Variants in BMPR2 observed in about 807,000 individuals in gnomAD.
BMPR2 encodes the protein bone morphogenetic protein receptor type-2.
A neutral mutation model predicts 100.8 loss-of-function variants in BMPR2; 29 were observed. The observed-to-expected ratio is 0.29, with a 90% CI of 0.21 to 0.39. The LOEUF (loss-of-function observed/expected upper bound fraction) is 0.39. BMPR2 is among the 10% of genes least tolerant of loss of function. The pLI is 1.00. For synonymous variants in BMPR2, 382 were observed against 442.3 expected, an observed-to-expected ratio of 0.86 and a Z score of 1.71; for missense variants, 1,011 against 1,274.5, an observed-to-expected ratio of 0.79 and a Z score of 3.15.
At chr2:202,449,948 A>G (rs1011411325) in intron 1 of BMPR2, among the ~76,000 whole-genome samples, 1 of 152,024 alleles carries the variant, frequency 6.6e-6, no homozygotes, top group South Asian at 2.1e-4. Flanking sequence ...TCTACTAAAA[A>G]TACAAAAAAA....
intron 9 of BMPR2, among the ~76,000 whole-genome samples, chr2:202,539,916 G>A (rs958465753): frequency 3.9e-5 from 6 of 152,088 alleles, no homozygotes; most frequent in African/African-American, 1.4e-4. Context: ...GAGCAATCCA[G>A]CGATAGTAAG....
intron 12 of BMPR2, 25 bp downstream of exon 12, chr2:202,556,556 C>T (rs1040050301): frequency 2.9e-5 from 46 of 1,606,914 alleles, no homozygotes; most frequent in Non-Finnish European, 3.7e-5. Context: ...CATATAATCT[C>T]TCCTGTGTGT....
chr2:202,536,348 A>G (rs887832148), intron 9 of BMPR2, among the ~76,000 whole-genome samples: 1 of 152,006 alleles, frequency 6.6e-6, no homozygotes, highest in Non-Finnish European at 1.5e-5. Context: ...TCCTGGGCTC[A>G]AGTGATCCAC....
intron 7 of BMPR2, among the ~76,000 whole-genome samples, chr2:202,523,962 T>G (rs1687862811): frequency 6.6e-6 from 1 of 152,126 alleles, no homozygotes; most frequent in Admixed American, 6.5e-5. Flanking sequence ...ATTTTCTCAC[T>G]TTATAAGTGG....
chr2:202,416,268 T>C (rs1292846762), intron 1 of BMPR2, among the ~76,000 whole-genome samples: 2 of 148,000 alleles, frequency 1.4e-5, no homozygotes, highest in Non-Finnish European at 3.0e-5. Context: ...AAGAGTTGCT[T>C]TTTTTTTTTT....
At chr2:202,379,372 T>C (rs927153324) in intron 1 of BMPR2, among the ~76,000 whole-genome samples, 1 of 152,180 alleles carries the variant, frequency 6.6e-6, no homozygotes, top group East Asian at 1.9e-4. Flanking sequence ...ACACAGTCAG[T>C]AAATTATGGA....
intron 3 of BMPR2, among the ~76,000 whole-genome samples, chr2:202,489,061 G>T (rs1030061745): frequency 1.3e-5 from 2 of 151,048 alleles, no homozygotes; most frequent in African/African-American, 4.9e-5. Context: ...GAATGCAACG[G>T]CACAATCTCA....
At chr2:202,427,145 G>A (rs1000687653) in intron 1 of BMPR2, among the ~76,000 whole-genome samples, 1 of 152,102 alleles carries the variant, frequency 6.6e-6, no homozygotes, top group African/African-American at 2.4e-5. Flanking sequence ...GAGCCCTAGA[G>A]TTCGAGACAA....
intron 3 of BMPR2, among the ~76,000 whole-genome samples, chr2:202,491,710 A>C (rs956703492): frequency 1.3e-5 from 2 of 152,136 alleles, no homozygotes; most frequent in African/African-American, 4.8e-5. Context: ...GGCCAGGTGC[A>C]TCTTTTACTA....
intron 1 of BMPR2, among the ~76,000 whole-genome samples, chr2:202,384,569 T>TTTCTTTCTTTCTTTCTTTCTTTTCTTTC (rs138215628): frequency 1.1e-5 from 1 of 93,504 alleles, no homozygotes; most frequent in African/African-American, 5.4e-5. Flanking sequence ...TCTTTCTTTC[T>TTTCTTTCTTTCTTTCTTTCTTTTCTTTC]TTTTCTTTCT....
At chr2:202,531,930 ATTTTTTTTT>A (rs71035015) in intron 8 of BMPR2, among the ~76,000 whole-genome samples, 12 of 52,278 alleles carry the variant, frequency 2.3e-4, no homozygotes, top group South Asian at 9.7e-4. Context: ...GCCCAGCTGT[ATTTTTTTTT>A]TTTTTTTTTT....
chr2:202,446,052 G>A (rs895976100), intron 1 of BMPR2, among the ~76,000 whole-genome samples: 1 of 150,458 alleles, frequency 6.6e-6, no homozygotes, highest in Non-Finnish European at 1.5e-5. Flanking sequence ...AGGATTACAG[G>A]CATAAGTCAC....
intron 10 of BMPR2, among the ~76,000 whole-genome samples, chr2:202,551,330 CAT>C (rs1688473226): frequency 1.4e-5 from 2 of 145,862 alleles, no homozygotes; most frequent in African/African-American, 5.1e-5. Context: ...GCCTGGCTAA[CAT>C]AGTGAAACCC....
At chr2:202,533,716 G>A (rs1217886695) in intron 9 of BMPR2, among the ~76,000 whole-genome samples, 28 of 151,852 alleles carry the variant, frequency 1.8e-4, no homozygotes, top group Admixed American at 1.6e-3. Context: ...CCAGCTACTC[G>A]GGAGGCTGGG....
intron 9 of BMPR2, among the ~76,000 whole-genome samples, chr2:202,541,443 T>C (rs990978074): frequency 6.6e-6 from 1 of 152,178 alleles, no homozygotes; most frequent in African/African-American, 2.4e-5. Context: ...AAAAAATTTT[T>C]TTAAAGTATA....
At position 202,562,814 on chromosome 2, in the gene BMPR2, A is replaced by G. The variant is rs1688697073; in HGVS notation, c.*2868A>G. The G allele has an allele frequency of 6.6e-6, 1 of 151,454 alleles. No homozygotes were observed. The highest frequency in any genetic ancestry group is 6.6e-5 in the Admixed American group (1 of 15,130). The allele number at this position is 151,454 out of a possible 1,614,324, so 9.4% of individuals were successfully genotyped here. The stretch of plus-strand genomic sequence containing the variant: ...AAATGATTTAATTGTAAATTCTTAA[A>G]ACTTTCTAAATGCATAATTGGCAAA... On this transcript the variant is annotated 3_prime_UTR_variant, in exon 13 of 13. Transcript: ENST00000374580.
At chr2:202,553,031 A>G (rs1483925835) in intron 11 of BMPR2, 143 bp downstream of exon 11, 14 of 1,143,428 alleles carry the variant, frequency 1.2e-5, no homozygotes, top group Non-Finnish European at 1.7e-5. Flanking sequence ...TTCTTTCAAT[A>G]TTCCTATTCT....
intron 1 of BMPR2, among the ~76,000 whole-genome samples, chr2:202,459,379 T>C (rs1692182053): frequency 6.6e-6 from 1 of 152,230 alleles, no homozygotes; most frequent in African/African-American, 2.4e-5. Flanking sequence ...TGTGCAGGTT[T>C]GTTATATATG....
chr2:202,513,827 C>T lies in BMPR2; in HGVS notation c.527C>T (p.Thr176Ile). Residue 176 changes from threonine (T) to isoleucine (I), a missense_variant and splice_region_variant, in exon 4 of 13, where the codon ACA (threonine) becomes ATA (isoleucine). This residue lies in a region of BMPR2 where 355 missense variants were observed against 455.3 expected (regional missense o/e 0.78). Transcript: ENST00000374580. ...VALCFGYRML[T>I]GDRKQGLHSM... is the part of the protein sequence containing the mutation. ...TTATGCTTTGGATACAGAATGTTGA[C>T]AGGTAAAAATTACCATTTTTTGTCC... 2 of 1,605,286 alleles carry T rather than the reference C, an allele frequency of 1.2e-6. No individual in the cohort carries two copies. Among genetic ancestry groups the T allele is most frequent in the South Asian group, 1.1e-5 (1 of 90,712 alleles).
Sources: allele counts gnomAD v4.1 joint callset (sites outside exome capture counted in the v4.1 genomes callset), GRCh38; gene constraint gnomAD v4.1.1; regional missense constraint gnomAD v4.1.1; transcripts MANE v1.5; gene names NCBI Gene and HGNC (gene_info 2026-07-23, HGNC 2026-07-21).